Variants in SLC75A1 observed in about 807,000 individuals in gnomAD.
SLC75A1 encodes the protein solute carrier family 75 member 1, also known as major facilitator superfamily domain containing 10.
the SLC75A1 span, chr4:2,934,022 C>A: frequency 1.5e-6 from 2 of 1,336,630 alleles, no homozygotes; most frequent in Non-Finnish European, 2.0e-6. Flanking sequence ...ACCCGACAGC[C>A]GGCGAGCACC....
the SLC75A1 span, chr4:2,933,298 G>A: frequency 7.6e-7 from 1 of 1,311,626 alleles, no homozygotes; most frequent in Non-Finnish European, 1.1e-6. Flanking sequence ...GCCCCGTCCT[G>A]AGGGTCCAGT....
At chr4:2,931,334 C>T in the SLC75A1 span, 83 of 1,543,662 alleles carry the variant, frequency 5.4e-5, no homozygotes, top group Non-Finnish European at 6.7e-5. Context: ...CACCCAGCCC[C>T]TGCTGCCCAT....
At chr4:2,933,190 G>A in the SLC75A1 span, 8 of 1,613,468 alleles carry the variant, frequency 5.0e-6, no homozygotes, top group African/African-American at 8.0e-5. Context: ...GCAGGACAGA[G>A]AATGCCGAGC....
chr4:2,932,390 G>A, the SLC75A1 span: 2 of 1,613,606 alleles, frequency 1.2e-6, no homozygotes, highest in Non-Finnish European at 1.7e-6. Context: ...GGAAGCAGAA[G>A]ATGAACAGCA....
At chr4:2,932,321 A>G in the SLC75A1 span, 2 of 1,602,802 alleles carry the variant, frequency 1.2e-6, no homozygotes, top group Non-Finnish European at 8.5e-7. Flanking sequence ...TCCAGCCCCT[A>G]GGCCTGTGGG....
the SLC75A1 span, chr4:2,932,540 A>G: frequency 6.2e-7 from 1 of 1,612,978 alleles, no homozygotes; most frequent in Non-Finnish European, 8.5e-7. Context: ...CGAGCTGCAC[A>G]GGGAGACCCA....
chr4:2,931,078 G>A, the SLC75A1 span: 2 of 1,599,982 alleles, frequency 1.3e-6, no homozygotes, highest in East Asian at 4.5e-5. Context: ...GGCCACCAGG[G>A]GCCCCGCGGC....
the SLC75A1 span, chr4:2,933,757 G>T: frequency 3.8e-6 from 6 of 1,599,468 alleles, no homozygotes; most frequent in South Asian, 3.3e-5. Context: ...ACTCACGTGG[G>T]CACGGCCGTG....
chr4:2,931,234 A>C, the SLC75A1 span: 38 of 1,564,188 alleles, frequency 2.4e-5, no homozygotes, highest in Admixed American at 7.0e-4. Flanking sequence ...CACCATAGCC[A>C]GCGACCACGG....
chr4:2,930,573 A>C, the SLC75A1 span: 1 of 549,012 alleles, frequency 1.8e-6, no homozygotes, highest in South Asian at 2.2e-5. Flanking sequence ...GGTATAAAAC[A>C]AACAGGTGCT....
At chr4:2,932,604 CCTTGACTG>C in the SLC75A1 span, 1 of 1,613,182 alleles carries the variant, frequency 6.2e-7, no homozygotes, top group Non-Finnish European at 8.5e-7. Flanking sequence ...ACTTACCATG[CCTTGACTG>C]CGGGCCAGAG....
chr4:2,934,005 C>G, the SLC75A1 span: 4 of 1,419,692 alleles, frequency 2.8e-6, no homozygotes, highest in Non-Finnish European at 3.8e-6. Context: ...GCCTGGCATA[C>G]CCCCACACCC....
At chr4:2,932,768 G>A in the SLC75A1 span, 58 of 1,547,976 alleles carry the variant, frequency 3.7e-5, 1 homozygote, top group Admixed American at 6.1e-5. Context: ...TCTGCCCAGG[G>A]GCAGGGGCCA....
the SLC75A1 span, chr4:2,930,648 A>G: frequency 3.2e-6 from 2 of 619,572 alleles, no homozygotes; most frequent in Non-Finnish European, 5.7e-6. Flanking sequence ...ACAGCCTTGG[A>G]GTGCTGCAGC....
At chr4:2,931,311 G>C in the SLC75A1 span, 3 of 1,548,014 alleles carry the variant, frequency 1.9e-6, no homozygotes, top group East Asian at 4.9e-5. Flanking sequence ...CGTCAGCCCA[G>C]GGGAGGGTGC....
At chr4:2,933,627 A>G in the SLC75A1 span, 1 of 1,613,722 alleles carries the variant, frequency 6.2e-7, no homozygotes, top group East Asian at 2.2e-5. Flanking sequence ...GTGGCAAACC[A>G]GTCCACCCCG....
chr4:2,932,722 A>C, the SLC75A1 span: 2 of 1,595,184 alleles, frequency 1.3e-6, no homozygotes, highest in Non-Finnish European at 1.7e-6. Context: ...AAGCTCCGAG[A>C]GGTGGCCCAG....
chr4:2,932,587 C>G, the SLC75A1 span: 1 of 1,613,044 alleles, frequency 6.2e-7, no homozygotes, highest in Non-Finnish European at 8.5e-7. Context: ...AAAGGCCCAG[C>G]CTGTGCACTT....
At chr4:2,930,800 C>G in the SLC75A1 span, 2 of 1,608,268 alleles carry the variant, frequency 1.2e-6, no homozygotes, top group African/African-American at 2.7e-5. Context: ...TAGGCTCCCA[C>G]TCTGCCTGGT....
Sources: gnomAD v4.1 joint callset for allele counts on GRCh38, gnomAD v4.1.1 for gene constraint, MANE v1.5 for transcripts, NCBI Gene and HGNC (gene_info 2026-07-23, HGNC 2026-07-21) for gene names.